Variants in PRRT4 observed in about 807,000 individuals in gnomAD.
The protein encoded by PRRT4 is proline rich transmembrane protein 4, also known as proline-rich transmembrane protein 4.
PRRT4 carries 59 observed loss-of-function variants against 55.6 expected under a neutral mutation model. The observed-to-expected ratio is 1.06, with a 90% CI of 0.86 to 1.32. The LOEUF (loss-of-function observed/expected upper bound fraction) is 1.32. PRRT4 is among the 40% of genes most tolerant of loss of function. The pLI, the probability that PRRT4 is intolerant of heterozygous loss-of-function variation, is 0.00. For missense variants in PRRT4, 1,217 were observed against 1,222.0 expected, an observed-to-expected ratio of 1.00 and a Z score of 0.06; for synonymous variants, 606 against 601.8, an observed-to-expected ratio of 1.01 and a Z score of -0.10.
exon 2 of PRRT4, chr7:128,359,568 G>C (rs1183615621): frequency 1.3e-6 from 2 of 1,496,700 alleles, no homozygotes; most frequent in Non-Finnish European, 1.8e-6. Flanking sequence ...GGGGCAGTGG[G>C]CCCATCGCTG....
exon 5 of PRRT4, chr7:128,352,026 G>C: frequency 7.6e-7 from 1 of 1,307,622 alleles, no homozygotes; most frequent in South Asian, 2.0e-5. Flanking sequence ...GCAGCAGCCC[G>C]GAAAGGAAAG....
exon 2 of PRRT4, chr7:128,359,550 G>T: frequency 6.7e-7 from 1 of 1,491,162 alleles, no homozygotes; most frequent in Non-Finnish European, 8.9e-7. Flanking sequence ...CTCCTCCTGG[G>T]CTGATAGGGG....
chr7:128,359,438 C>T, exon 2 of PRRT4: 1 of 1,462,986 alleles, frequency 6.8e-7, no homozygotes, highest in Non-Finnish European at 9.0e-7. Context: ...TGCACCTGCT[C>T]TCAGTGCCAT....
exon 5 of PRRT4, chr7:128,351,513 T>C: frequency 6.7e-7 from 1 of 1,496,918 alleles, no homozygotes; most frequent in Non-Finnish European, 8.9e-7. Context: ...GGCCTGGCCC[T>C]GCCAGCGCGC....
At position 128,359,624 on chromosome 7, in the gene PRRT4, C is replaced by A. The variant is rs573263452; in HGVS notation, c.368G>T (p.Arg123Leu). ...GGACTCCGGAAGCAGGGAGGAGGCC[C>A]GGGGCTTTGAGCCACCTTCGGTGGA... The change falls in exon 2 of 5, where the codon CGG (arginine) becomes CTG (leucine). Residue 123 changes from arginine to leucine, a missense_variant. Arg to Leu is a moderately radical substitution (Grantham distance 102). Transcript: ENST00000535159. 3 of 1,535,652 alleles carry A rather than the reference C, an allele frequency of 2.0e-6. No individual in the cohort carries two copies. In the African/African-American group the frequency reaches 4.1e-5, roughly 21 times the overall value.
chr7:128,356,027 G>A (rs1168294197), intron 4 of PRRT4, among the ~76,000 whole-genome samples: 2 of 152,150 alleles, frequency 1.3e-5, no homozygotes, highest in South Asian at 2.1e-4. Context: ...TTGGGAGGCC[G>A]AGGTGGGCAG....
intron 4 of PRRT4, among the ~76,000 whole-genome samples, chr7:128,357,955 C>T (rs930093284): frequency 1.3e-5 from 2 of 152,166 alleles, no homozygotes; most frequent in African/African-American, 4.8e-5. Flanking sequence ...AGGTTAATAG[C>T]TACTATTTAA....
chr7:128,359,986 G>A, exon 2 of PRRT4: 4 of 1,314,386 alleles, frequency 3.0e-6, no homozygotes, highest in Non-Finnish European at 3.9e-6. Context: ...AGCCATGCCT[G>A]GCCATGGCCC....
intron 4 of PRRT4, among the ~76,000 whole-genome samples, chr7:128,353,340 CCT>C (rs984463851): frequency 1.3e-5 from 2 of 152,054 alleles, no homozygotes; most frequent in African/African-American, 2.4e-5. Context: ...GTTCTGCACC[CCT>C]GACTCCCAAC....
chr7:128,351,275 G>A (rs1796957547), exon 5 of PRRT4: 3 of 1,540,724 alleles, frequency 1.9e-6, no homozygotes, highest in Non-Finnish European at 2.6e-6. Flanking sequence ...GTGCGGTAGA[G>A]TCCGAGCCCA....
intron 4 of PRRT4, among the ~76,000 whole-genome samples, chr7:128,357,827 GCTCCTGTGCC>G (rs1442385736): frequency 2.6e-5 from 4 of 152,296 alleles, no homozygotes; most frequent in Middle Eastern, 3.4e-3. Context: ...CTCTCCTCCA[GCTCCTGTGCC>G]CTCTGCTGTG....
chr7:128,352,048 G>A (rs760798701), exon 5 of PRRT4: 3 of 1,260,714 alleles, frequency 2.4e-6, no homozygotes, highest in South Asian at 5.0e-5. Flanking sequence ...GGCGAGAAAG[G>A]CGTGCAGCCC....
chr7:128,351,525 C>G (rs1164055592), exon 5 of PRRT4: 1 of 1,485,144 alleles, frequency 6.7e-7, no homozygotes, highest in Admixed American at 2.3e-5. Flanking sequence ...CCAGCGCGCA[C>G]AGCTGCAGCA....
At chr7:128,353,494 A>G (rs1192228086) in intron 4 of PRRT4, among the ~76,000 whole-genome samples, 1 of 152,140 alleles carries the variant, frequency 6.6e-6, no homozygotes, top group Non-Finnish European at 1.5e-5. Context: ...GGGAGAGGTA[A>G]GACAATGCTG....
chr7:128,351,822 C>T (rs1193495197), exon 5 of PRRT4: 1 of 1,404,360 alleles, frequency 7.1e-7, no homozygotes, highest in Non-Finnish European at 9.2e-7. Flanking sequence ...CGTGCAGCAC[C>T]TCATAGCCCT....
chr7:128,353,544 T>C (rs992008614), intron 4 of PRRT4, among the ~76,000 whole-genome samples: 10 of 152,154 alleles, frequency 6.6e-5, no homozygotes, highest in East Asian at 1.9e-4. Flanking sequence ...TCCTTATTCA[T>C]TGGCCTTCCT....
chr7:128,352,507 G>T (rs1797012775), exon 5 of PRRT4: 1 of 1,542,368 alleles, frequency 6.5e-7, no homozygotes, highest in Non-Finnish European at 8.7e-7. Context: ...TGCCCAGTCG[G>T]CCTCCAGGGT....
chr7:128,352,597 C>T lies in PRRT4; in HGVS notation c.959G>A (p.Gly320Glu), dbSNP rs557146395. 104 of 1,543,756 alleles carry T rather than the reference C, an allele frequency of 6.7e-5. No homozygotes were observed. The East Asian group carries it at 2.2e-3, about 32-fold the overall frequency. The change falls in exon 5 of 5, where the codon GGG becomes GAG. Residue 320 changes from glycine to glutamate, a missense_variant. Physicochemically the swap from Gly to Glu is moderately conservative, Grantham distance 98 (BLOSUM62 -2). This residue lies in a region of PRRT4 where 564 missense variants were observed against 592.9 expected (regional missense o/e 0.95). Transcript: ENST00000535159. ...TTCTCCCACGCTGCAGGACCCTGGC[C>T]CACACTCTGGCTGCCCCGAAGGGTT...
intron 1 of PRRT4, among the ~76,000 whole-genome samples, 193 bp downstream of exon 2, chr7:128,361,095 TCTCTCTCTCACACACACA>T (rs976340474): frequency 3.0e-5 from 4 of 133,606 alleles, no homozygotes; most frequent in African/African-American, 1.2e-4. Context: ...TCTCTCTCTC[TCTCTCTCTCACACACACA>T]CACACACACA....
Sources: allele counts gnomAD v4.1 joint callset (sites outside exome capture counted in the v4.1 genomes callset), GRCh38; gene constraint gnomAD v4.1.1; regional missense constraint gnomAD v4.1.1; transcripts MANE v1.5; gene names NCBI Gene and HGNC (gene_info 2026-07-23, HGNC 2026-07-21).